SLC9A9: variants seen among roughly 807,000 people sequenced by gnomAD.
The protein encoded by SLC9A9 is solute carrier family 9 member A9, also known as sodium/hydrogen exchanger 9.
In SLC9A9, 62 loss-of-function variants were observed where a neutral mutation model predicts 77.8. The ratio of observed to expected loss-of-function variants is 0.80; its 90% CI spans 0.65 to 0.98. SLC9A9 has a LOEUF of 0.98. Among genes scored for constraint, SLC9A9 ranks in the 50% least tolerant of loss-of-function variants. The probability of loss-of-function intolerance (pLI) is 0.00; values close to 1 mark genes in which losing one functional copy is unlikely to be tolerated. For synonymous variants in SLC9A9, 320 were observed against 283.5 expected, an observed-to-expected ratio of 1.13 and a Z score of -1.29; for missense variants, 775 against 774.9, an observed-to-expected ratio of 1.00 and a Z score of 0.00.
chr3:143,289,865 C>T (rs1211973951), intron 14 of SLC9A9, among the ~76,000 whole-genome samples: 1 of 152,186 alleles, frequency 6.6e-6, no homozygotes, highest in Non-Finnish European at 1.5e-5. Context: ...TCATGGGACT[C>T]CCTGCTTACA....
At chr3:143,559,814 A>T (rs1254922043) in intron 8 of SLC9A9, among the ~76,000 whole-genome samples, 1 of 152,202 alleles carries the variant, frequency 6.6e-6, no homozygotes. Flanking sequence ...TCTCCATGTA[A>T]AAAAGGATAT....
At chr3:143,546,619 A>G (rs1019278088) in intron 9 of SLC9A9, among the ~76,000 whole-genome samples, 2 of 152,190 alleles carry the variant, frequency 1.3e-5, no homozygotes, top group African/African-American at 4.8e-5. Flanking sequence ...ATACCCCACA[A>G]TTGGTGCTAT....
chr3:143,308,630 C>G (rs1451641849), intron 14 of SLC9A9, among the ~76,000 whole-genome samples: 1 of 151,910 alleles, frequency 6.6e-6, no homozygotes, highest in Non-Finnish European at 1.5e-5. Context: ...TTAAACTAAG[C>G]ATGGGGCCCT....
At chr3:143,600,959 T>C (rs1285870915) in intron 6 of SLC9A9, among the ~76,000 whole-genome samples, 5 of 152,194 alleles carry the variant, frequency 3.3e-5, no homozygotes, top group Non-Finnish European at 7.3e-5. Flanking sequence ...TTATTTCAAC[T>C]GAGCATAACA....
chr3:143,725,237 C>T (rs1363460789), intron 4 of SLC9A9, among the ~76,000 whole-genome samples: 1 of 152,118 alleles, frequency 6.6e-6, no homozygotes, highest in Non-Finnish European at 1.5e-5. Context: ...CAGGAAACAA[C>T]AGGTGCTGGA....
intron 9 of SLC9A9, among the ~76,000 whole-genome samples, chr3:143,551,425 C>T (rs1181074711): frequency 6.6e-6 from 1 of 152,184 alleles, no homozygotes; most frequent in African/African-American, 2.4e-5. Context: ...TTAGCCTTGC[C>T]CCATTCACAA....
chr3:143,458,822 A>C (rs2035138073), intron 12 of SLC9A9, among the ~76,000 whole-genome samples: 1 of 152,110 alleles, frequency 6.6e-6, no homozygotes, highest in African/African-American at 2.4e-5. Flanking sequence ...ACAGATATTT[A>C]CTATTTCTGT....
rs73008890 is a variant in SLC9A9, at chr3:143,495,283, A to G, written c.1203+52T>C. ...TTTAACAGAATAATTCGTAAAAGTAAGTCATTCGTTATCTTCTCTAATCAC... is the reference window on the plus strand; with the variant it reads ...TTTAACAGAATAATTCGTAAAAGTAGGTCATTCGTTATCTTCTCTAATCAC... On this transcript the variant is annotated intron_variant, in intron 10 of 15. Coordinates refer to ENST00000316549, the MANE Select transcript of SLC9A9 (RefSeq NM_173653.4). 3,807 of 1,420,570 alleles carry G rather than the reference A, an allele frequency of 2.7e-3. 99 individuals are homozygous for G. In the African/African-American group the frequency reaches 0.048, roughly 18 times the overall value. 88.0% of individuals were successfully genotyped at this position (1,420,570 alleles called of 1,614,324 possible).
intron 14 of SLC9A9, among the ~76,000 whole-genome samples, chr3:143,315,940 T>C (rs567304181): frequency 1.6e-4 from 25 of 152,308 alleles, no homozygotes; most frequent in African/African-American, 5.8e-4. Context: ...GATCTTTAGC[T>C]GGTGAAAAGA....
chr3:143,797,043 A>G (rs2008404391), intron 2 of SLC9A9, 140 bp from the exon 3 acceptor site: 1 of 647,420 alleles, frequency 1.5e-6, no homozygotes. Context: ...AGATGAAGGT[A>G]GGAAAAAATG....
chr3:143,408,329 G>A (rs2108517601), intron 12 of SLC9A9, among the ~76,000 whole-genome samples: 1 of 152,238 alleles, frequency 6.6e-6, no homozygotes, highest in South Asian at 2.1e-4. Flanking sequence ...TGCATATTGG[G>A]GCTCTGAAGC....
At chr3:143,313,424 C>A (rs1011761455) in intron 14 of SLC9A9, 4 of 152,340 alleles carry the variant, frequency 2.6e-5, no homozygotes, top group African/African-American at 9.6e-5. Flanking sequence ...CCAGGACCAG[C>A]CAGTTTTGGG....
intron 11 of SLC9A9, among the ~76,000 whole-genome samples, chr3:143,473,251 T>C (rs536591925): frequency 1.8e-4 from 28 of 152,306 alleles, no homozygotes; most frequent in Middle Eastern, 6.8e-3. Context: ...TTCCAGTCCA[T>C]CTTGTTGATG....
At chr3:143,499,299 T>C (rs1287621109) in intron 9 of SLC9A9, among the ~76,000 whole-genome samples, 1 of 152,240 alleles carries the variant, frequency 6.6e-6, no homozygotes, top group Non-Finnish European at 1.5e-5. Context: ...ATGAATATCA[T>C]ATATCCTTAT....
chr3:143,266,981 A>G (rs1937744167), intron 15 of SLC9A9, 52 bp from the exon 16 acceptor site: 3 of 1,566,296 alleles, frequency 1.9e-6, no homozygotes, highest in African/African-American at 1.4e-5. Flanking sequence ...GCAGAAAACA[A>G]TAGCAGTCCT....
chr3:143,407,307 G>T (rs1158961995), intron 12 of SLC9A9, among the ~76,000 whole-genome samples: 5 of 152,274 alleles, frequency 3.3e-5, no homozygotes, highest in African/African-American at 1.2e-4. Flanking sequence ...CAAAGATACA[G>T]CAGGACTCTA....
At chr3:143,276,752 C>T (rs1345814335) in intron 14 of SLC9A9, among the ~76,000 whole-genome samples, 1 of 151,828 alleles carries the variant, frequency 6.6e-6, no homozygotes, top group Non-Finnish European at 1.5e-5. Flanking sequence ...GGTTCTTAAC[C>T]TTCCCTGGCT....
chr3:143,747,229 C>A (rs1560060994), intron 4 of SLC9A9, among the ~76,000 whole-genome samples: 1 of 151,960 alleles, frequency 6.6e-6, no homozygotes, highest in African/African-American at 2.4e-5. Flanking sequence ...CATGGTGAAA[C>A]CCCGTCTCTA....
rs147092553 is a variant in SLC9A9 at position 143,667,194 on chromosome 3, T to C, written c.650-14834A>G. ...ATAATACCACACATCTACAACCATC[T>C]GATCTTTGACAAACCTGACCAAAAA... On this transcript the variant is annotated intron_variant, in intron 5 of 15. Coordinates refer to ENST00000316549, the MANE Select transcript of SLC9A9 (RefSeq NM_173653.4). Among the ~76,000 whole-genome samples, 1,439 of 152,286 alleles carry C rather than the reference T, an allele frequency of 9.4e-3. 31 individuals are homozygous for C. The highest frequency in any genetic ancestry group is 0.033 in the African/African-American group (1,375 of 41,548).
Sources: allele counts gnomAD v4.1 joint callset (sites outside exome capture counted in the v4.1 genomes callset), GRCh38; gene constraint gnomAD v4.1.1; transcripts MANE v1.5; gene names NCBI Gene and HGNC (gene_info 2026-07-23, HGNC 2026-07-21).